PARD3: variants seen among roughly 807,000 people sequenced by gnomAD.
PARD3 encodes the protein par-3 family cell polarity regulator.
A neutral mutation model predicts 155.4 loss-of-function variants in PARD3; 75 were observed. The observed-to-expected ratio is 0.48, with a 90% confidence interval of 0.40 to 0.58. The LOEUF (loss-of-function observed/expected upper bound fraction) is 0.58, where lower values mean the gene tolerates loss of function less well. PARD3 is among the 20% of genes least tolerant of loss of function. The pLI is 0.00. For synonymous variants in PARD3, 576 were observed against 610.5 expected (o/e 0.94, Z 0.83); for missense variants, 1,642 against 1,721.7 (o/e 0.95, Z 0.82).
intron 1 of PARD3, among the ~76,000 whole-genome samples, chr10:34,736,312 G>A (rs1203762182): frequency 6.8e-6 from 1 of 147,076 alleles, no homozygotes; most frequent in Admixed American, 6.9e-5. Context: ...TTATAGGCGT[G>A]AGCCACTGCG....
chr10:34,767,849 G>A (rs534179572), intron 1 of PARD3, among the ~76,000 whole-genome samples: 40 of 151,982 alleles, frequency 2.6e-4, no homozygotes, highest in Admixed American at 8.5e-4. Context: ...CCAGCTACTT[G>A]GGAGGCTGTG....
intron 2 of PARD3, among the ~76,000 whole-genome samples, chr10:34,544,108 AT>A (rs2083858790): frequency 6.6e-6 from 1 of 152,224 alleles, no homozygotes. Flanking sequence ...ACAGGGAGCT[AT>A]AAAATAAATT....
rs1300164241 is a variant in PARD3 at position 34,341,634 on chromosome 10, C to G, written c.2401G>C (p.Ala801Pro). Residue 801 changes from alanine to proline, a missense_variant, in exon 16 of 25, where the codon GCC (alanine) becomes CCC (proline). By Grantham distance (27) the Ala-to-Pro change is conservative. Around this residue, in one of 3 missense-constraint regions of PARD3, gnomAD observed 1,529 missense variants for 1,587.3 expected, o/e 0.96. Coordinates refer to ENST00000374788, the MANE Select transcript of PARD3 (RefSeq NM_001184785.2). ...CCTGGACGATGAGCTTACCAGTCGG[C>G]TGAATCACTGATTGCAGCCTTGGCC... ...TWAKAAISDS[A>P]DCSLSPDVDP... 1.2e-6 allele frequency: 2 copies of G among 1,611,070 alleles called. No individual in the cohort carries two copies. The highest frequency in any genetic ancestry group is 1.7e-6 in the Non-Finnish European group (2 of 1,178,770).
chr10:34,595,534 T>C (rs2089170762), intron 2 of PARD3, among the ~76,000 whole-genome samples: 1 of 152,190 alleles, frequency 6.6e-6, no homozygotes, highest in Non-Finnish European at 1.5e-5. Flanking sequence ...TCCTAACGAG[T>C]ACCCAGTGAC....
chr10:34,807,537 T>G, intron 1 of PARD3, among the ~76,000 whole-genome samples: 1 of 151,858 alleles, frequency 6.6e-6, no homozygotes, highest in East Asian at 1.9e-4. Context: ...CTCCCAGTCC[T>G]AGCGGAACAC....
intron 2 of PARD3, among the ~76,000 whole-genome samples, chr10:34,686,407 A>C (rs2093954420): frequency 6.6e-6 from 1 of 150,462 alleles, no homozygotes; most frequent in East Asian, 2.0e-4. Context: ...TCCTTAGGAA[A>C]CTTCAGTATG....
intron 1 of PARD3, among the ~76,000 whole-genome samples, chr10:34,785,699 T>C (rs979813404): frequency 6.6e-6 from 1 of 152,180 alleles, no homozygotes; most frequent in African/African-American, 2.4e-5. Flanking sequence ...ATCACATCAC[T>C]AATGTGCATT....
At chr10:34,222,988 C>T (rs1358073070) in intron 22 of PARD3, among the ~76,000 whole-genome samples, 1 of 152,186 alleles carries the variant, frequency 6.6e-6, no homozygotes, top group African/African-American at 2.4e-5. Context: ...ACCGTGGGCC[C>T]GGAATTGTTC....
rs942689348 is a variant in PARD3 at position 34,580,626 on chromosome 10, T to C, written c.223-63467A>G. On this transcript the variant is annotated intron_variant, in intron 2 of 24. Transcript: ENST00000374788. ...AAAACTGTAAGTTATCTATTAACCA[T>C]AGTTTTTACTAATCCTGGCTGTGGG... 4.6e-5 allele frequency among the ~76,000 whole-genome samples: 7 copies of C among 152,230 alleles called. No homozygotes were observed. The South Asian group carries it at 1.2e-3, about 27-fold the overall frequency.
intron 20 of PARD3, among the ~76,000 whole-genome samples, chr10:34,300,891 G>C (rs1212312277): frequency 1.3e-5 from 2 of 152,212 alleles, no homozygotes; most frequent in East Asian, 1.9e-4. Context: ...TGGAGGGTAA[G>C]AAGTGATCCT....
At chr10:34,560,013 G>T (rs2085333273) in intron 2 of PARD3, among the ~76,000 whole-genome samples, 3 of 152,154 alleles carry the variant, frequency 2.0e-5, no homozygotes, top group African/African-American at 2.4e-5. Context: ...ATTGAAGGCT[G>T]AGATGGGACA....
chr10:34,383,038 A>C, intron 8 of PARD3, 116 bp from the exon 9 acceptor site: 1 of 1,125,300 alleles, frequency 8.9e-7, no homozygotes, highest in Non-Finnish European at 1.3e-6. Context: ...GTTGAAATTG[A>C]AAAGCAAAAT....
intron 22 of PARD3, among the ~76,000 whole-genome samples, chr10:34,266,556 C>A (rs568195668): frequency 6.6e-6 from 1 of 152,184 alleles, no homozygotes; most frequent in Non-Finnish European, 1.5e-5. Flanking sequence ...TCTAATCACC[C>A]TTCTGGGGCA....
chr10:34,212,737 A>C (rs1951816973), intron 22 of PARD3, among the ~76,000 whole-genome samples: 1 of 152,116 alleles, frequency 6.6e-6, no homozygotes, highest in Admixed American at 6.5e-5. Context: ...GCCATTAATA[A>C]ATCAGGAGTT....
At chr10:34,464,330 C>A (rs1310613189) in intron 4 of PARD3, among the ~76,000 whole-genome samples, 2 of 152,078 alleles carry the variant, frequency 1.3e-5, no homozygotes, top group Admixed American at 1.3e-4. Context: ...ATAGTACCAG[C>A]TGCTTGTTTC....
chr10:34,448,024 T>C (rs901917829), intron 5 of PARD3, among the ~76,000 whole-genome samples: 4 of 152,148 alleles, frequency 2.6e-5, no homozygotes, highest in African/African-American at 9.7e-5. Context: ...ATCAAAGACA[T>C]ATTTGCAATT....
chr10:34,382,095 A>G (rs1841922264), intron 9 of PARD3, among the ~76,000 whole-genome samples: 1 of 152,110 alleles, frequency 6.6e-6, no homozygotes, highest in African/African-American at 2.4e-5. Flanking sequence ...CCCTCCCCAC[A>G]TCAAATACTG....
chr10:34,593,843 A>C (rs2088957891), intron 2 of PARD3, among the ~76,000 whole-genome samples: 1 of 152,156 alleles, frequency 6.6e-6, no homozygotes. Flanking sequence ...TTAGGAATTC[A>C]TTTCTGTCAT....
At chr10:34,113,506 C>CACACACACACACACACATAG (rs1946499822) in intron 24 of PARD3, among the ~76,000 whole-genome samples, 1 of 150,586 alleles carries the variant, frequency 6.6e-6, no homozygotes, top group Non-Finnish European at 1.5e-5. Flanking sequence ...AACACACACA[C>CACACACACACACACACATAG]ACACACACAC....
Sources: allele counts gnomAD v4.1 joint callset (sites outside exome capture counted in the v4.1 genomes callset), GRCh38; gene constraint gnomAD v4.1.1; regional missense constraint gnomAD v4.1.1; transcripts MANE v1.5; gene names NCBI Gene and HGNC (gene_info 2026-07-23, HGNC 2026-07-21).